TGFBR3: variants seen among roughly 807,000 people sequenced by gnomAD.
TGFBR3 encodes transforming growth factor beta receptor 3, also known as transforming growth factor beta receptor type 3.
A neutral mutation model predicts 87.9 loss-of-function variants in TGFBR3; 46 were observed. The ratio of observed to expected loss-of-function variants is 0.52; its 90% CI spans 0.41 to 0.67. The LOEUF (loss-of-function observed/expected upper bound fraction) is 0.67. Ranked by LOEUF, TGFBR3 falls within the 30% of genes least tolerant of loss-of-function variation. TGFBR3 has a pLI of 0.00. For missense variants in TGFBR3, 866 were observed against 1,041.9 expected, an observed-to-expected ratio of 0.83 and a Z score of 2.32; for synonymous variants, 381 against 391.6, an observed-to-expected ratio of 0.97 and a Z score of 0.32.
chr1:91,713,917 CAAAAG>C (rs1654557677), intron 12 of TGFBR3, among the ~76,000 whole-genome samples: 1 of 151,860 alleles, frequency 6.6e-6, no homozygotes, highest in African/African-American at 2.4e-5. Flanking sequence ...TCTCTAATCT[CAAAAG>C]AAAGTATGTA....
intron 2 of TGFBR3, among the ~76,000 whole-genome samples, chr1:91,823,868 G>A (rs1035316252): frequency 1.3e-5 from 2 of 152,186 alleles, no homozygotes; most frequent in South Asian, 2.1e-4. Flanking sequence ...AGTGGCTCAC[G>A]CCTGTAATCC....
intron 3 of TGFBR3, among the ~76,000 whole-genome samples, chr1:91,776,728 G>C (rs1354201635): frequency 2.0e-5 from 3 of 152,272 alleles, no homozygotes; most frequent in East Asian, 3.9e-4. Context: ...CTGCATACAT[G>C]ACCCTCCAAA....
intron 3 of TGFBR3, among the ~76,000 whole-genome samples, chr1:91,788,925 T>A (rs888031953): frequency 6.6e-6 from 1 of 152,216 alleles, no homozygotes; most frequent in Non-Finnish European, 1.5e-5. Context: ...GCAACAGTAG[T>A]ACAGGTCAGG....
At chr1:91,886,319 C>T (rs1043118985), upstream of TGFBR3, 1 of 384,382 alleles carries the variant, frequency 2.6e-6, no homozygotes, top group Non-Finnish European at 5.2e-6. Flanking sequence ...CCGCCTCCCG[C>T]CTCCTCTCTC....
chr1:91,881,664 G>T (rs1571600937), intron 1 of TGFBR3, among the ~76,000 whole-genome samples: 1 of 152,170 alleles, frequency 6.6e-6, no homozygotes, highest in East Asian at 1.9e-4. Flanking sequence ...AAAAAGAAGG[G>T]ACTCAACTAA....
chr1:91,811,268 T>C (rs1676020055), intron 2 of TGFBR3, among the ~76,000 whole-genome samples: 1 of 152,178 alleles, frequency 6.6e-6, no homozygotes, highest in Non-Finnish European at 1.5e-5. Context: ...GCCAAGATAG[T>C]GCCACTGCAC....
chr1:91,891,202 T>C (rs1679440007), intron 2 of TGFBR3, among the ~76,000 whole-genome samples: 1 of 151,946 alleles, frequency 6.6e-6, no homozygotes. Context: ...CTTTTTTTTT[T>C]TTTTAAGTTT....
At chr1:91,766,339 A>C (rs1674186541) in intron 3 of TGFBR3, 1 of 151,828 alleles carries the variant, frequency 6.6e-6, no homozygotes, top group Admixed American at 6.6e-5. Context: ...TACCTAGCCT[A>C]ATTTCTACAT....
At chr1:91,803,210 G>A (rs1249096657) in intron 2 of TGFBR3, among the ~76,000 whole-genome samples, 6 of 152,088 alleles carry the variant, frequency 3.9e-5, no homozygotes, top group Non-Finnish European at 8.8e-5. Flanking sequence ...CCCGTGTTTT[G>A]GCCATTCTGG....
At chr1:91,814,026 T>C (rs284146) in intron 2 of TGFBR3, among the ~76,000 whole-genome samples, 19,995 of 152,208 alleles carry the variant, frequency 0.13, 1,658 homozygotes, top group East Asian at 0.38. Flanking sequence ...GCTCACCTCC[T>C]GCTGTGTGCC....
intron 2 of TGFBR3, among the ~76,000 whole-genome samples, chr1:91,859,547 G>A (rs1316687893): frequency 6.6e-6 from 1 of 151,780 alleles, no homozygotes; most frequent in South Asian, 2.1e-4. Flanking sequence ...ACTGCTGATA[G>A]ACAAAAATAG....
chr1:91,785,895 T>C (rs1674939929), intron 3 of TGFBR3, among the ~76,000 whole-genome samples: 3 of 151,272 alleles, frequency 2.0e-5, no homozygotes, highest in African/African-American at 2.4e-5. Context: ...GCCTCCCAAA[T>C]AGCTGGGACC....
At chr1:91,702,035 T>C (rs765383504) in intron 14 of TGFBR3, among the ~76,000 whole-genome samples, 1 of 152,154 alleles carries the variant, frequency 6.6e-6, no homozygotes, top group Non-Finnish European at 1.5e-5. Context: ...TAGAGACATT[T>C]TGAATGGTTA....
intron 2 of TGFBR3, among the ~76,000 whole-genome samples, chr1:91,841,898 A>C (rs1170709164): frequency 6.6e-6 from 1 of 151,866 alleles, no homozygotes; most frequent in Non-Finnish European, 1.5e-5. Flanking sequence ...CAGGAGTTCG[A>C]GACCAGCCTG....
intron 2 of TGFBR3, among the ~76,000 whole-genome samples, chr1:91,821,728 G>GACCT (rs1676459427): frequency 6.6e-6 from 1 of 152,182 alleles, no homozygotes; most frequent in Non-Finnish European, 1.5e-5. Flanking sequence ...GTAGAGAAAA[G>GACCT]ACCTGGCTTT....
chr1:91,786,253 A>G, intron 3 of TGFBR3: 1 of 456,258 alleles, frequency 2.2e-6, no homozygotes, highest in Non-Finnish European at 4.4e-6. Flanking sequence ...CAAATTCATT[A>G]TGAGAGCATT....
intron 2 of TGFBR3, among the ~76,000 whole-genome samples, chr1:91,828,825 C>T (rs1676742722): frequency 6.6e-6 from 1 of 152,142 alleles, no homozygotes; most frequent in Non-Finnish European, 1.5e-5. Flanking sequence ...AGGTCCCTCT[C>T]TCCCAATTCC....
chr1:91,765,909 A>G (rs1336662575), intron 3 of TGFBR3, among the ~76,000 whole-genome samples: 1 of 151,928 alleles, frequency 6.6e-6, no homozygotes, highest in African/African-American at 2.4e-5. Context: ...TTTGCTTTTT[A>G]TATATATATA....
At chr1:91,874,768 C>T (rs761424854) in intron 1 of TGFBR3, among the ~76,000 whole-genome samples, 7 of 152,136 alleles carry the variant, frequency 4.6e-5, no homozygotes, top group Non-Finnish European at 1.0e-4. Flanking sequence ...GCTGGGATTA[C>T]AGGCGTGAGC....
Sources: gnomAD v4.1 joint callset for allele counts (sites outside exome capture counted in the v4.1 genomes callset) on GRCh38, gnomAD v4.1.1 for gene constraint, MANE v1.5 for transcripts, NCBI Gene and HGNC (gene_info 2026-07-23, HGNC 2026-07-21) for gene names.